Variants in KIAA1549 observed in about 807,000 individuals in gnomAD.
The protein encoded by KIAA1549 is KIAA1549.
A neutral mutation model predicts 156.4 loss-of-function variants in KIAA1549; 70 were observed. The observed-to-expected ratio is 0.45, with a 90% confidence interval of 0.37 to 0.55. KIAA1549 has a LOEUF of 0.55. Among genes scored for constraint, KIAA1549 ranks in the 20% least tolerant of loss-of-function variants. KIAA1549 has a pLI of 0.00. For missense variants in KIAA1549, 2,428 were observed against 2,540.9 expected (o/e 0.96, Z 0.96); for synonymous variants, 1,103 against 1,066.4 (o/e 1.03, Z -0.67).
At chr7:138,870,269 G>A (rs1046989447) in intron 13 of KIAA1549, among the ~76,000 whole-genome samples, 14 of 152,024 alleles carry the variant, frequency 9.2e-5, no homozygotes, top group African/African-American at 3.4e-4. Context: ...CCAGGGAGGA[G>A]CAGAGACCCT....
At chr7:138,958,493 G>A (rs939996936) in intron 1 of KIAA1549, among the ~76,000 whole-genome samples, 2 of 152,102 alleles carry the variant, frequency 1.3e-5, no homozygotes, top group Non-Finnish European at 2.9e-5. Flanking sequence ...ATCTTGTCAG[G>A]GCCACAGAAG....
At position 138,855,488 on chromosome 7, in the gene KIAA1549, G is replaced by C. The variant is rs563958326; in HGVS notation, c.5248-3219C>G. Among the ~76,000 whole-genome samples the C allele has an allele frequency of 9.3e-4, 141 of 152,320 alleles. 1 individual carries two copies. The highest frequency in any genetic ancestry group is 3.4e-3 in the Middle Eastern group (1 of 292). ...TGGCTCCAACTGATGTCATGGTGTG[G>C]ATGGATTTAAGAGGAAGAATCAGCA... On this transcript the variant is annotated intron_variant, in intron 16 of 19. Transcript: ENST00000422774.
chr7:138,869,530 C>A lies in KIAA1549; in HGVS notation c.4775+8G>T. On this transcript the variant is annotated splice_region_variant and intron_variant, in intron 14 of 19. Transcript: ENST00000422774. Reference sequence around the variant, plus strand: ...CGCCCCACCGCCTAGCGCAGAGCCCCAGCCCACCTCTTCCTGGGCTCTATG... The same window carrying A: ...CGCCCCACCGCCTAGCGCAGAGCCCAAGCCCACCTCTTCCTGGGCTCTATG... The A allele has an allele frequency of 6.4e-7, 1 of 1,553,356 alleles. No homozygotes were observed. Among genetic ancestry groups the A allele is most frequent in the Non-Finnish European group, 8.7e-7 (1 of 1,148,638 alleles).
chr7:138,875,556 G>A (rs1382875791), intron 12 of KIAA1549, among the ~76,000 whole-genome samples: 5 of 152,050 alleles, frequency 3.3e-5, no homozygotes, highest in African/African-American at 1.2e-4. Context: ...GAGGTGAGAG[G>A]ACTGCTTGAG....
chr7:138,836,627 G>C lies in KIAA1549; in HGVS notation c.*1279C>G. ...TGTTTTCTTTACCATTATTTGGAAA[G>C]TGGGGGAAATGTTTACATCAGGAGT... On this transcript the variant is annotated 3_prime_UTR_variant, in exon 20 of 20. Transcript: ENST00000422774. The C allele has an allele frequency of 4.6e-6, 1 of 219,522 alleles. No homozygotes were observed. The highest frequency in any genetic ancestry group is 9.1e-6 in the Non-Finnish European group (1 of 109,338). The allele number at this position is 219,522 out of a possible 1,614,324, so 13.6% of individuals were successfully genotyped here.
intron 12 of KIAA1549, among the ~76,000 whole-genome samples, chr7:138,877,082 C>T (rs890931567): frequency 2.0e-5 from 3 of 152,174 alleles, no homozygotes; most frequent in Admixed American, 2.0e-4. Context: ...GAACGCTGGT[C>T]CCATGGCAAC....
intron 1 of KIAA1549, among the ~76,000 whole-genome samples, chr7:138,979,402 C>G (rs1436751664): frequency 6.6e-6 from 1 of 152,184 alleles, no homozygotes; most frequent in Non-Finnish European, 1.5e-5. Flanking sequence ...CCATCAGGCA[C>G]AGAAAGGAAG....
At chr7:138,938,350 T>A (rs1813079044) in intron 1 of KIAA1549, among the ~76,000 whole-genome samples, 2 of 152,240 alleles carry the variant, frequency 1.3e-5, no homozygotes, top group Non-Finnish European at 2.9e-5. Flanking sequence ...TGGTTACATA[T>A]ACTTCTGGAA....
At chr7:138,944,077 ATT>A (rs71169068) in intron 1 of KIAA1549, among the ~76,000 whole-genome samples, 2 of 145,146 alleles carry the variant, frequency 1.4e-5, no homozygotes, top group African/African-American at 2.5e-5. Flanking sequence ...CTCTCTTAGC[ATT>A]TTTTTTTTTG....
At chr7:138,957,429 T>TC (rs1467116854) in intron 1 of KIAA1549, among the ~76,000 whole-genome samples, 1 of 145,732 alleles carries the variant, frequency 6.9e-6, no homozygotes, top group Non-Finnish European at 1.5e-5. Flanking sequence ...TTATTCTTCT[T>TC]CCCCTCCCCC....
rs1237657962 is a variant in KIAA1549, at chr7:138,837,089, C to T, written c.*817G>A. The T allele has an allele frequency of 4.4e-6, 1 of 228,200 alleles. No homozygotes were observed. The highest frequency in any genetic ancestry group is 8.7e-6 in the Non-Finnish European group (1 of 115,044). The allele number at this position is 228,200 out of a possible 1,614,324, so 14.1% of individuals were successfully genotyped here. On this transcript the variant is annotated 3_prime_UTR_variant, in exon 20 of 20. Transcript: ENST00000422774. ...GAGTTGTGTGTGCCCAATTAAGAAA[C>T]AGCAAATACAATGAAGAATGTAGAT...
chr7:138,947,743 T>A (rs766594911), intron 1 of KIAA1549, among the ~76,000 whole-genome samples: 4 of 151,870 alleles, frequency 2.6e-5, no homozygotes, highest in Non-Finnish European at 5.9e-5. Context: ...TGCAACTGAA[T>A]CTCAATATTC....
intron 1 of KIAA1549, among the ~76,000 whole-genome samples, chr7:138,969,640 T>C (rs977398849): frequency 2.0e-5 from 3 of 152,232 alleles, no homozygotes; most frequent in African/African-American, 7.2e-5. Context: ...TCTCCCAGTC[T>C]GGAGTGCAGT....
intron 7 of KIAA1549, among the ~76,000 whole-genome samples, chr7:138,903,962 G>A (rs1318553708): frequency 6.6e-6 from 1 of 152,162 alleles, no homozygotes; most frequent in Non-Finnish European, 1.5e-5. Flanking sequence ...CATGAATGGG[G>A]AGAGTCCAGG....
chr7:138,936,915 C>T (rs1038465242), intron 1 of KIAA1549, among the ~76,000 whole-genome samples: 2 of 152,138 alleles, frequency 1.3e-5, no homozygotes, highest in African/African-American at 4.8e-5. Flanking sequence ...CCTCCTCTAT[C>T]CCCTCCAATC....
At chr7:138,975,538 C>T (rs1814350191) in intron 1 of KIAA1549, among the ~76,000 whole-genome samples, 1 of 152,058 alleles carries the variant, frequency 6.6e-6, no homozygotes, top group Non-Finnish European at 1.5e-5. Flanking sequence ...ATGAGATTAG[C>T]GCTAATCTCA....
Position 138,831,787 on chromosome 7 carries a change from C to T in KIAA1549, c.*6119G>A. The T allele has an allele frequency of 4.3e-6, 1 of 232,414 alleles. No individual in the cohort carries two copies. The highest frequency in any genetic ancestry group is 8.5e-6 in the Non-Finnish European group (1 of 117,512). The allele number at this position is 232,414 out of a possible 1,614,324, so 14.4% of individuals were successfully genotyped here. A position where few individuals can be genotyped will look rare whatever the true frequency, so the allele number is the denominator to read the frequency against. ...GAGACAAGTCAGTACTCCAGGGCAGCTCTGCCGAGCAACCTTTCCTATTAA... is the reference window on the plus strand; with the variant it reads ...GAGACAAGTCAGTACTCCAGGGCAGTTCTGCCGAGCAACCTTTCCTATTAA... On this transcript the variant is annotated 3_prime_UTR_variant, in exon 20 of 20. Coordinates refer to ENST00000422774, the MANE Select transcript of KIAA1549 (RefSeq NM_001164665.2).
intron 1 of KIAA1549, among the ~76,000 whole-genome samples, chr7:138,925,174 G>C (rs1812678118): frequency 6.6e-6 from 1 of 152,166 alleles, no homozygotes; most frequent in Non-Finnish European, 1.5e-5. Flanking sequence ...TGATGATACA[G>C]TAGTGAGGAA....
intron 12 of KIAA1549, among the ~76,000 whole-genome samples, chr7:138,875,627 CAAAAAAA>C: frequency 6.7e-6 from 1 of 149,720 alleles, no homozygotes; most frequent in South Asian, 2.1e-4. Flanking sequence ...ACTGGGTAAG[CAAAAAAA>C]TAAAAAATAA....
Sources: gnomAD v4.1 joint callset for allele counts (sites outside exome capture counted in the v4.1 genomes callset) on GRCh38, gnomAD v4.1.1 for gene constraint, MANE v1.5 for transcripts, NCBI Gene and HGNC (gene_info 2026-07-23, HGNC 2026-07-21) for gene names.